TMEM184B: variants seen among roughly 807,000 people sequenced by gnomAD.
TMEM184B encodes putative MAPK-activating protein FM08.
In TMEM184B, 17 loss-of-function variants were observed where a neutral mutation model predicts 41.8. That is an observed-to-expected ratio of 0.41 (90% CI 0.28 to 0.61). TMEM184B has a LOEUF of 0.61. Among genes scored for constraint, TMEM184B ranks in the 20% least tolerant of loss-of-function variants. The pLI is 0.34. For missense variants in TMEM184B, 393 were observed against 557.8 expected, an observed-to-expected ratio of 0.70 and a Z score of 2.98; for synonymous variants, 240 against 229.5, an observed-to-expected ratio of 1.05 and a Z score of -0.41.
intron 5 of TMEM184B, among the ~76,000 whole-genome samples, chr22:38,227,766 C>T (rs981585417): frequency 3.9e-5 from 6 of 152,144 alleles, no homozygotes; most frequent in East Asian, 3.9e-4. Context: ...AGCCAGGAAG[C>T]GCAGCATCTT....
chr22:38,257,816 T>G (rs2092307455), intron 1 of TMEM184B, among the ~76,000 whole-genome samples: 1 of 152,218 alleles, frequency 6.6e-6, no homozygotes, highest in Non-Finnish European at 1.5e-5. Context: ...GTTTCTTTTT[T>G]ACTGATAGGG....
chr22:38,217,317 T>C (rs1602340870), downstream of TMEM184B, among the ~76,000 whole-genome samples: 1 of 118,456 alleles, frequency 8.4e-6, no homozygotes, highest in East Asian at 2.3e-4. Context: ...ACCCCGTCTC[T>C]ACTAAAAATA....
intron 1 of TMEM184B, among the ~76,000 whole-genome samples, chr22:38,261,177 C>T (rs1348546461): frequency 6.6e-6 from 1 of 152,164 alleles, no homozygotes; most frequent in Non-Finnish European, 1.5e-5. Flanking sequence ...TGGGCAGCTG[C>T]ATTATTGGGG....
In TMEM184B at chr22:38,221,201, G is replaced by A. The variant is rs1278359040; in HGVS notation, c.*268C>T. On this transcript the variant is annotated 3_prime_UTR_variant, in exon 9 of 9. Transcript: ENST00000361906. The stretch of plus-strand genomic sequence containing the variant: ...CCAGCATGCCCCCAGCACAGGACGG[G>A]CAGCAGGGGCATAAGCCTTGCTCCC... 1 of 1,314,920 alleles carries A rather than the reference G, an allele frequency of 7.6e-7. No individual in the cohort carries two copies. Among genetic ancestry groups the A allele is most frequent in the Non-Finnish European group, 9.7e-7 (1 of 1,032,646 alleles). The allele number at this position is 1,314,920 out of a possible 1,614,324, so 81.5% of individuals were successfully genotyped here. A position where few individuals can be genotyped will look rare whatever the true frequency, so the allele number is the denominator to read the frequency against.
In TMEM184B at chr22:38,221,083, CGACCTCAGCCT is replaced by C. The variant is rs995966454; in HGVS notation, c.*375_*385del. The C allele has an allele frequency of 2.0e-5, 21 of 1,066,230 alleles. No individual in the cohort carries two copies. The highest frequency in any genetic ancestry group is 2.3e-5 in the Non-Finnish European group (20 of 880,698). 66.0% of individuals were successfully genotyped at this position (1,066,230 alleles called of 1,614,324 possible). On this transcript the variant is annotated 3_prime_UTR_variant, in exon 9 of 9. Transcript: ENST00000361906. ...GGTGTGTGGGGGAGCCACGGCTTGC[CGACCTCAGCCT>C]GAGAGTCTCGCGGGGAGGAGGGGCT...
intron 1 of TMEM184B, among the ~76,000 whole-genome samples, chr22:38,260,237 T>G (rs4821776): frequency 0.77 from 117,629 of 151,884 alleles, 45,925 homozygotes; most frequent in African/African-American, 0.87. Context: ...TATATTTTTG[T>G]TAGAGACAGG....
chr22:38,246,208 G>C lies in TMEM184B; in HGVS notation c.193-108C>G, dbSNP rs2092026860. The stretch of plus-strand genomic sequence containing the variant: ...GACTCATCTGTGACCCGATGCACGT[G>C]ACCTACCCCTGAGCCTCAGAGCCCT... On this transcript the variant is annotated intron_variant, in intron 2 of 8. Transcript: ENST00000361906. 4 of 1,358,828 alleles carry C rather than the reference G, an allele frequency of 2.9e-6. No homozygotes were observed. The Admixed American group carries it at 6.5e-5, about 22-fold the overall frequency. 84.2% of individuals were successfully genotyped at this position (1,358,828 alleles called of 1,614,324 possible). A position where few individuals can be genotyped will look rare whatever the true frequency, so the allele number is the denominator to read the frequency against.
Position 38,226,409 on chromosome 22 carries a change from G to A in TMEM184B, c.617+370C>T, listed in dbSNP as rs927357698. On this transcript the variant is annotated intron_variant, in intron 6 of 8. Transcript: ENST00000361906. This position sits in a 1 kb window ranked among gnomAD's most constrained non-coding sequence, Gnocchi z 4.6. ...GGGTCACTTTCACTAAGCCCAGAATGAAATGGGTGTGGACAATTTACACAG... is the reference window on the plus strand; with the variant it reads ...GGGTCACTTTCACTAAGCCCAGAATAAAATGGGTGTGGACAATTTACACAG... 36 of 217,960 alleles carry A rather than the reference G, an allele frequency of 1.7e-4. No individual in the cohort carries two copies. Among genetic ancestry groups the A allele is most frequent in the African/African-American group, 7.8e-4 (35 of 44,744 alleles). The allele number at this position is 217,960 out of a possible 1,614,324, so 13.5% of individuals were successfully genotyped here. A position where few individuals can be genotyped will look rare whatever the true frequency, so the allele number is the denominator to read the frequency against.
chr22:38,233,648 G>C (rs2091693897), intron 3 of TMEM184B, among the ~76,000 whole-genome samples: 1 of 152,228 alleles, frequency 6.6e-6, no homozygotes, highest in African/African-American at 2.4e-5. Flanking sequence ...AGCCAAACCT[G>C]ATGTCAGCCT....
intron 2 of TMEM184B, 97 bp downstream of exon 2, chr22:38,247,673 C>T (rs1000897732): frequency 2.1e-6 from 3 of 1,425,752 alleles, no homozygotes; most frequent in Non-Finnish European, 2.8e-6. Flanking sequence ...TTACCTACTA[C>T]TGCAGTGCAG....
At chr22:38,264,196 C>A (rs567973763) in intron 1 of TMEM184B, among the ~76,000 whole-genome samples, 1 of 152,188 alleles carries the variant, frequency 6.6e-6, no homozygotes, top group Non-Finnish European at 1.5e-5. Context: ...GGTGCTGAAC[C>A]CACACCGGCC....
chr22:38,258,991 G>T (rs1433807128), intron 1 of TMEM184B, among the ~76,000 whole-genome samples: 1 of 152,116 alleles, frequency 6.6e-6, no homozygotes, highest in Admixed American at 6.6e-5. Flanking sequence ...AATCCACTGA[G>T]AATGTGGCAG....
intron 3 of TMEM184B, among the ~76,000 whole-genome samples, chr22:38,236,553 G>A (rs144590972): frequency 3.3e-5 from 5 of 151,804 alleles, no homozygotes; most frequent in African/African-American, 4.8e-5. Context: ...ATGCGATCAC[G>A]GCTCACCGCA....
chr22:38,262,240 C>T (rs2092381864), intron 1 of TMEM184B, among the ~76,000 whole-genome samples: 2 of 152,228 alleles, frequency 1.3e-5, no homozygotes, highest in Non-Finnish European at 2.9e-5. Context: ...TGAGTGGTGA[C>T]TACCGGCGAA....
rs2091277725 is a variant in TMEM184B, at chr22:38,222,121, G to A, written c.983-411C>T. 4 of 214,804 alleles carry A rather than the reference G, an allele frequency of 1.9e-5. No homozygotes were observed. The South Asian group carries it at 3.1e-4, about 17-fold the overall frequency. 13.3% of individuals were successfully genotyped at this position (214,804 alleles called of 1,614,324 possible). A position where few individuals can be genotyped will look rare whatever the true frequency, so the allele number is the denominator to read the frequency against. ...GCCAGGGGTGCCCGGTTCCACAGGT[G>A]CCAGGCGCGTCCCCCACCACCGGGG... On this transcript the variant is annotated intron_variant, in intron 8 of 8. Coordinates refer to ENST00000361906, the MANE Select transcript of TMEM184B (RefSeq NM_012264.5).
rs567320351 is a variant in TMEM184B at position 38,272,966 on chromosome 22, C to A, written c.-141G>T. ...CGGGCGGGGCGGGCGGCGCCGCAGC[C>A]CCGGAGTCTCCGCCGCCGCCGGCGC... On this transcript the variant is annotated 5_prime_UTR_variant, in exon 1 of 9. Coordinates refer to ENST00000361906, the MANE Select transcript of TMEM184B (RefSeq NM_012264.5). 1,210 of 292,896 alleles carry A rather than the reference C, an allele frequency of 4.1e-3. 5 individuals carry two copies. Among genetic ancestry groups the A allele is most frequent in the Non-Finnish European group, 5.1e-3 (1,012 of 197,630 alleles). 18.1% of individuals were successfully genotyped at this position (292,896 alleles called of 1,614,324 possible).
chr22:38,218,072 G>A (rs1433207404), downstream of TMEM184B, among the ~76,000 whole-genome samples: 2 of 152,156 alleles, frequency 1.3e-5, no homozygotes, highest in East Asian at 3.9e-4. Flanking sequence ...AATTTTTCCA[G>A]CACTTTCACA....
intron 1 of TMEM184B, among the ~76,000 whole-genome samples, chr22:38,267,143 G>C (rs1417691591): frequency 6.6e-6 from 1 of 151,476 alleles, no homozygotes; most frequent in Non-Finnish European, 1.5e-5. Flanking sequence ...GTTTTTCAAA[G>C]GTACAAGACT....
At chr22:38,229,288 G>A (rs1014123072) in intron 5 of TMEM184B, among the ~76,000 whole-genome samples, 2 of 152,242 alleles carry the variant, frequency 1.3e-5, no homozygotes, top group African/African-American at 4.8e-5. Context: ...CATGAAGAGT[G>A]GGCGTGATCC....
Sources: gnomAD v4.1 joint callset for allele counts (sites outside exome capture counted in the v4.1 genomes callset) on GRCh38, gnomAD v4.1.1 for gene constraint, Gnocchi (gnomAD v3.1) non-coding constraint, MANE v1.5 for transcripts, NCBI Gene and HGNC (gene_info 2026-07-23, HGNC 2026-07-21) for gene names.